EIF3H: variants seen among roughly 807,000 people sequenced by gnomAD.
EIF3H encodes the protein eukaryotic translation initiation factor 3 subunit H.
A neutral mutation model predicts 44.2 loss-of-function variants in EIF3H; 26 were observed. That is an observed-to-expected ratio of 0.59 (90% CI 0.43 to 0.82). The LOEUF is 0.82. Ranked by LOEUF, EIF3H falls within the 40% of genes least tolerant of loss-of-function variation. The probability of loss-of-function intolerance (pLI) is 0.00; values close to 1 mark genes in which losing one functional copy is unlikely to be tolerated. For missense variants in EIF3H, 359 were observed against 432.8 expected (o/e 0.83, Z 1.51); for synonymous variants, 166 against 151.9 (o/e 1.09, Z -0.68).
intron 5 of EIF3H, 138 bp downstream of exon 5, chr8:116,655,718 C>T (rs1813477630): frequency 2.3e-6 from 2 of 878,560 alleles, no homozygotes; most frequent in African/African-American, 3.4e-5. Context: ...CAGACTATTA[C>T]TCCATGTTAT....
At chr8:116,649,996 A>G (rs1274789904) in intron 5 of EIF3H, among the ~76,000 whole-genome samples, 2 of 152,208 alleles carry the variant, frequency 1.3e-5, no homozygotes, top group African/African-American at 2.4e-5. Context: ...GCATGGCTAG[A>G]GCACAGGGAT....
chr8:116,676,298 T>G (rs972692454), intron 2 of EIF3H, among the ~76,000 whole-genome samples: 5 of 152,272 alleles, frequency 3.3e-5, no homozygotes, highest in Non-Finnish European at 7.3e-5. Flanking sequence ...TATAAAGAAC[T>G]GCCTGAGACT....
At chr8:116,752,722 A>AAGAG (rs547151119) in intron 1 of EIF3H, among the ~76,000 whole-genome samples, 1,415 of 111,258 alleles carry the variant, frequency 0.013, 42 homozygotes, top group East Asian at 0.029. Flanking sequence ...GAAAGAAAGA[A>AAGAG]AGAAAGAAAG....
intron 5 of EIF3H, among the ~76,000 whole-genome samples, chr8:116,652,047 C>T (rs1188264812): frequency 1.3e-5 from 2 of 152,270 alleles, no homozygotes; most frequent in East Asian, 3.9e-4. Context: ...AGGAGTAAGA[C>T]AAAATCGCCC....
At chr8:116,688,663 A>C (rs535076758) in intron 2 of EIF3H, among the ~76,000 whole-genome samples, 1 of 152,284 alleles carries the variant, frequency 6.6e-6, no homozygotes, top group East Asian at 1.9e-4. Flanking sequence ...ACTCAGGGAG[A>C]ATCCATGGTG....
At chr8:116,705,901 G>C (rs181162196) in intron 2 of EIF3H, among the ~76,000 whole-genome samples, 6 of 151,248 alleles carry the variant, frequency 4.0e-5, no homozygotes, top group African/African-American at 1.5e-4. Flanking sequence ...GGGGAACTCT[G>C]TACTATCTTT....
intron 2 of EIF3H, among the ~76,000 whole-genome samples, chr8:116,707,264 C>T (rs1054031571): frequency 6.6e-6 from 1 of 152,174 alleles, no homozygotes; most frequent in African/African-American, 2.4e-5. Context: ...ACTCACTACT[C>T]CACATAATGA....
At chr8:116,724,680 T>C (rs1398038448) in intron 2 of EIF3H, among the ~76,000 whole-genome samples, 1 of 151,970 alleles carries the variant, frequency 6.6e-6, no homozygotes, top group Non-Finnish European at 1.5e-5. Flanking sequence ...AACAAGCATA[T>C]GAAAAGATGC....
At chr8:116,734,098 T>C (rs1387559963) in intron 1 of EIF3H, among the ~76,000 whole-genome samples, 6 of 152,218 alleles carry the variant, frequency 3.9e-5, no homozygotes, top group Admixed American at 6.5e-5. Flanking sequence ...TGGCAAATTA[T>C]GTATTATTAT....
At chr8:116,743,789 T>TAA (rs1431558081) in intron 1 of EIF3H, among the ~76,000 whole-genome samples, 10 of 89,090 alleles carry the variant, frequency 1.1e-4, no homozygotes, top group African/African-American at 5.1e-4. Context: ...TATATATATA[T>TAA]ATATATATAA....
At chr8:116,714,429 C>T (rs1340857191) in intron 2 of EIF3H, among the ~76,000 whole-genome samples, 3 of 152,024 alleles carry the variant, frequency 2.0e-5, no homozygotes, top group African/African-American at 7.2e-5. Flanking sequence ...TTGTCTCTCC[C>T]ACTTAAAATC....
At chr8:116,668,943 T>C (rs1258679683) in intron 2 of EIF3H, among the ~76,000 whole-genome samples, 2 of 152,114 alleles carry the variant, frequency 1.3e-5, no homozygotes, top group South Asian at 2.1e-4. Context: ...TAGAATTGGA[T>C]TGGATTAACT....
At chr8:116,675,371 T>C (rs1326667261) in intron 2 of EIF3H, among the ~76,000 whole-genome samples, 1 of 152,224 alleles carries the variant, frequency 6.6e-6, no homozygotes, top group Non-Finnish European at 1.5e-5. Context: ...TCCTGGCCAC[T>C]AATGATGACA....
intron 1 of EIF3H, among the ~76,000 whole-genome samples, chr8:116,727,367 T>A (rs1814862168): frequency 6.6e-6 from 1 of 152,146 alleles, no homozygotes; most frequent in African/African-American, 2.4e-5. Flanking sequence ...CAGGCCAAAG[T>A]GGCTAACCAG....
upstream of EIF3H, among the ~76,000 whole-genome samples, chr8:116,758,682 A>T (rs150320946): frequency 4.7e-4 from 71 of 152,314 alleles, no homozygotes; most frequent in African/African-American, 1.7e-3. Context: ...ATCACAATAG[A>T]TTTAAAGAAG....
At chr8:116,680,887 A>T (rs1387065193) in intron 2 of EIF3H, among the ~76,000 whole-genome samples, 2 of 151,908 alleles carry the variant, frequency 1.3e-5, no homozygotes, top group Non-Finnish European at 2.9e-5. Flanking sequence ...AGATCATGAA[A>T]TTTCATGTTT....
chr8:116,659,090 T>C lies in EIF3H; in HGVS notation c.290-110A>G, dbSNP rs1586436321. 6.8e-6 allele frequency: 6 copies of C among 886,504 alleles called. No individual in the cohort carries two copies. In the East Asian group the frequency reaches 8.5e-5, roughly 13 times the overall value. The allele number at this position is 886,504 out of a possible 1,614,324, so 54.9% of individuals were successfully genotyped here. On this transcript the variant is annotated intron_variant, in intron 2 of 7. Transcript: ENST00000521861. ...TGTCTACATAACAATTTATTAGCAA[T>C]AGGGAACAGGATTCCAGATTTAAAA... is the stretch of plus-strand genomic sequence containing the variant.
upstream of EIF3H, among the ~76,000 whole-genome samples, chr8:116,756,770 T>C (rs1019531341): frequency 6.6e-6 from 1 of 152,150 alleles, no homozygotes; most frequent in Non-Finnish European, 1.5e-5. Flanking sequence ...AAAGTTAATA[T>C]CCACTCATTT....
chr8:116,727,013 T>C (rs1814854678), intron 1 of EIF3H, among the ~76,000 whole-genome samples: 2 of 152,184 alleles, frequency 1.3e-5, no homozygotes, highest in African/African-American at 4.8e-5. Flanking sequence ...ACATTCAAAA[T>C]TGTAATGTAA....
Sources: gnomAD v4.1 joint callset for allele counts (sites outside exome capture counted in the v4.1 genomes callset) on GRCh38, gnomAD v4.1.1 for gene constraint, MANE v1.5 for transcripts, NCBI Gene and HGNC (gene_info 2026-07-23, HGNC 2026-07-21) for gene names.